TM6SF1: variants seen among roughly 807,000 people sequenced by gnomAD.
TM6SF1 encodes the protein transmembrane 6 superfamily member 1.
Under a neutral mutation model 47.1 loss-of-function variants are expected in TM6SF1, and 43 were observed. That is an observed-to-expected ratio of 0.91 (90% CI 0.72 to 1.18). The LOEUF (loss-of-function observed/expected upper bound fraction) is 1.18. TM6SF1 is among the 50% of genes most tolerant of loss of function. The pLI is 0.00. For missense variants in TM6SF1, 390 were observed against 449.0 expected (o/e 0.87, Z 1.19); for synonymous variants, 177 against 166.3 (o/e 1.06, Z -0.49).
intron 3 of TM6SF1, 62 bp from the exon 4 acceptor site, chr15:83,119,516 G>A (rs958187718): frequency 3.9e-6 from 6 of 1,519,368 alleles, no homozygotes; most frequent in Non-Finnish European, 4.6e-6. Context: ...TGCAATACAG[G>A]TCTGATGTTC....
At position 83,126,975 on chromosome 15, in the gene TM6SF1, G is replaced by A. The variant is rs894102464; in HGVS notation, c.801+128G>A. 20 of 681,306 alleles carry A rather than the reference G, an allele frequency of 2.9e-5. No individual in the cohort carries two copies. In the African/African-American group the frequency reaches 3.1e-4, roughly 11 times the overall value. The allele number at this position is 681,306 out of a possible 1,614,324, so 42.2% of individuals were successfully genotyped here. A position where few individuals can be genotyped will look rare whatever the true frequency, so the allele number is the denominator to read the frequency against. ...TGGGAGGCCGAGGCAGGTTGATCAC[G>A]AGGTCAGGAGTTTGAAACCAGCCTG... is the stretch of plus-strand genomic sequence containing the variant. On this transcript the variant is annotated intron_variant, in intron 8 of 9. Transcript: ENST00000322019.
intron 1 of TM6SF1, among the ~76,000 whole-genome samples, chr15:83,109,321 A>G (rs1003116822): frequency 6.6e-6 from 1 of 152,104 alleles, no homozygotes; most frequent in African/African-American, 2.4e-5. Context: ...GAAGGTGAAC[A>G]GATGGGGCTT....
At chr15:83,129,463 T>C (rs183873680) in intron 9 of TM6SF1, 3 of 152,256 alleles carry the variant, frequency 2.0e-5, no homozygotes, top group East Asian at 1.9e-4. Context: ...AATGGACACA[T>C]AATAATATCT....
intron 2 of TM6SF1, chr15:83,113,172 C>T (rs959561103): frequency 3.9e-6 from 2 of 513,598 alleles, no homozygotes; most frequent in Admixed American, 6.6e-5. Context: ...TGACCTCTGA[C>T]CTCTGACCTC....
Position 83,136,700 on chromosome 15 carries a change from A to G in TM6SF1, c.*28A>G. 1 of 1,564,928 alleles carries G rather than the reference A, an allele frequency of 6.4e-7. No homozygotes were observed. Among genetic ancestry groups the G allele is most frequent in the Non-Finnish European group, 8.7e-7 (1 of 1,155,476 alleles). On this transcript the variant is annotated 3_prime_UTR_variant, in exon 10 of 10. Transcript: ENST00000322019. ...ATATTACTTCATGTTCCTCCTTTCT[A>G]AATTACTAACTTTTGTTATACTGGT...
chr15:83,109,895 G>C (rs911000888), intron 1 of TM6SF1, among the ~76,000 whole-genome samples: 2 of 152,128 alleles, frequency 1.3e-5, no homozygotes, highest in Admixed American at 1.3e-4. Flanking sequence ...TGGACTTTAT[G>C]GCCACTTCTA....
At chr15:83,135,299 G>A (rs1241090721) in intron 9 of TM6SF1, 1 of 152,194 alleles carries the variant, frequency 6.6e-6, no homozygotes, top group Non-Finnish European at 1.5e-5. Context: ...AAATCACTCA[G>A]CAGAATAAAT....
intron 2 of TM6SF1, 170 bp from the exon 3 acceptor site, chr15:83,115,675 G>A: frequency 1.4e-6 from 1 of 699,120 alleles, no homozygotes; most frequent in East Asian, 2.7e-5. Context: ...AACACAGGTG[G>A]AGGTCCAGCT....
At chr15:83,121,283 T>C (rs1189674380) in intron 4 of TM6SF1, among the ~76,000 whole-genome samples, 1 of 151,386 alleles carries the variant, frequency 6.6e-6, no homozygotes, top group African/African-American at 2.4e-5. Context: ...CGTTTCACCA[T>C]GTTGGCCAGG....
chr15:83,126,903 T>G, intron 8 of TM6SF1, 56 bp downstream of exon 8: 1 of 1,457,400 alleles, frequency 6.9e-7, no homozygotes, highest in Non-Finnish European at 9.5e-7. Context: ...TTTTAAAAAA[T>G]GGGTCCCAGC....
chr15:83,122,672 T>G, intron 5 of TM6SF1, 85 bp from the exon 6 acceptor site: 2 of 1,491,478 alleles, frequency 1.3e-6, no homozygotes, highest in Non-Finnish European at 1.8e-6. Flanking sequence ...AAATTTTAGA[T>G]GACCTGAGAT....
intron 9 of TM6SF1, 87 bp downstream of exon 9, chr15:83,127,564 T>C: frequency 6.8e-7 from 1 of 1,463,186 alleles, no homozygotes; most frequent in Non-Finnish European, 9.4e-7. Context: ...CTCAGTGTTT[T>C]AGACTAGGAG....
At position 83,107,677 on chromosome 15, in the gene TM6SF1, T is replaced by G; in HGVS notation, c.-4T>G. On this transcript the variant is annotated 5_prime_UTR_variant, in exon 1 of 10. Transcript: ENST00000322019. The surrounding 1 kb of genome is among the most constrained non-coding windows in gnomAD (Gnocchi z 5.6). ...GGTGAAGGGCGAGCGGCGCGGCGGC[T>G]GCGATGAGTGCCTCTGCGGCCACCG... 1 of 1,544,532 alleles carries G rather than the reference T, an allele frequency of 6.5e-7. No homozygotes were observed. Among genetic ancestry groups the G allele is most frequent in the South Asian group, 1.2e-5 (1 of 83,760 alleles).
chr15:83,127,653 C>T, intron 9 of TM6SF1, 176 bp downstream of exon 9: 1 of 629,456 alleles, frequency 1.6e-6, no homozygotes, highest in Non-Finnish European at 2.7e-6. Context: ...TTCAATCTCA[C>T]AATAACTATA....
intron 1 of TM6SF1, among the ~76,000 whole-genome samples, chr15:83,112,058 C>G (rs142989774): frequency 6.6e-6 from 1 of 152,188 alleles, no homozygotes; most frequent in Non-Finnish European, 1.5e-5. Context: ...CGTGCCCTAT[C>G]GCTGCCCCAC....
At chr15:83,116,992 G>C (rs1302448702) in intron 3 of TM6SF1, among the ~76,000 whole-genome samples, 1 of 152,224 alleles carries the variant, frequency 6.6e-6, no homozygotes, top group Non-Finnish European at 1.5e-5. Flanking sequence ...CTCCCTGCCT[G>C]AAAGGGTGGG....
At chr15:83,116,092 A>G in intron 3 of TM6SF1, 150 bp downstream of exon 3, 3 of 642,648 alleles carry the variant, frequency 4.7e-6, no homozygotes, top group Middle Eastern at 3.1e-4. Flanking sequence ...GCTTAGTCAC[A>G]TGGAAAGTGG....
rs1456700567 is a variant in TM6SF1 at position 83,136,468 on chromosome 15, TTA to T, written c.922-12_922-11del. 6.4e-7 allele frequency: 1 copy of T among 1,568,294 alleles called. No individual in the cohort carries two copies. The highest frequency in any genetic ancestry group is 1.2e-5 in the South Asian group (1 of 82,802). On this transcript the variant is annotated splice_polypyrimidine_tract_variant and intron_variant, in intron 9 of 9. Coordinates refer to ENST00000322019, the MANE Select transcript of TM6SF1 (RefSeq NM_023003.5). ...TTCATGCTTACTCAATTTTTTTTTTTTAAATGCAACAGGCTCAGTTTTCTCAC... is the reference window on the plus strand; with the variant it reads ...TTCATGCTTACTCAATTTTTTTTTTTAATGCAACAGGCTCAGTTTTCTCAC...
intron 7 of TM6SF1, among the ~76,000 whole-genome samples, chr15:83,125,504 T>C (rs2035663205): frequency 6.6e-6 from 1 of 152,202 alleles, no homozygotes; most frequent in South Asian, 2.1e-4. Flanking sequence ...AGTATTGTTT[T>C]GGAGATTAAA....
Sources: allele counts gnomAD v4.1 joint callset (sites outside exome capture counted in the v4.1 genomes callset), GRCh38; gene constraint gnomAD v4.1.1; non-coding constraint Gnocchi (gnomAD v3.1); transcripts MANE v1.5; gene names NCBI Gene and HGNC (gene_info 2026-07-23, HGNC 2026-07-21).